Variants in SLC5A10 observed in about 807,000 individuals in gnomAD.
SLC5A10 encodes the protein solute carrier family 5 member 10.
SLC5A10 carries 55 observed loss-of-function variants against 68.9 expected under a neutral mutation model. The observed-to-expected ratio is 0.80, with a 90% CI of 0.64 to 1.00. SLC5A10 has a LOEUF of 1.00. Among genes scored for constraint, SLC5A10 ranks in the 50% least tolerant of loss-of-function variants. The pLI is 0.00. For missense variants in SLC5A10, 732 were observed against 819.3 expected, an observed-to-expected ratio of 0.89 and a Z score of 1.30; for synonymous variants, 344 against 344.8, an observed-to-expected ratio of 1.00 and a Z score of 0.02.
intron 9 of SLC5A10, among the ~76,000 whole-genome samples, chr17:19,001,801 G>A (rs748441377): frequency 5.1e-5 from 7 of 137,466 alleles, no homozygotes; most frequent in Non-Finnish European, 1.2e-4. Context: ...ATCGCTGGGC[G>A]GGGGATCTGT....
chr17:18,990,736 G>A (rs577112543), intron 9 of SLC5A10, among the ~76,000 whole-genome samples: 2 of 152,244 alleles, frequency 1.3e-5, no homozygotes, highest in South Asian at 4.1e-4. Context: ...AGTGCCTAGG[G>A]TGGTCAGAGA....
At chr17:18,997,299 C>T (rs1412924538) in intron 9 of SLC5A10, among the ~76,000 whole-genome samples, 4 of 152,214 alleles carry the variant, frequency 2.6e-5, no homozygotes, top group African/African-American at 9.7e-5. Flanking sequence ...ACTGCAAAGA[C>T]AAGGGGCTGG....
intron 9 of SLC5A10, among the ~76,000 whole-genome samples, chr17:18,998,067 C>A (rs2043613151): frequency 6.6e-6 from 1 of 152,168 alleles, no homozygotes; most frequent in African/African-American, 2.4e-5. Context: ...GCCTGTCTTC[C>A]CACCACCCCA....
At chr17:18,987,891 T>C (rs1173050738) in intron 9 of SLC5A10, among the ~76,000 whole-genome samples, 8 of 152,216 alleles carry the variant, frequency 5.3e-5, no homozygotes. Flanking sequence ...ACGAGCTACC[T>C]GAGGAGGCAG....
chr17:18,985,797 G>C (rs1386986543), intron 9 of SLC5A10, among the ~76,000 whole-genome samples: 1 of 152,228 alleles, frequency 6.6e-6, no homozygotes, highest in East Asian at 1.9e-4. Flanking sequence ...GAGCAGGGCA[G>C]GCGGGGCCAG....
At chr17:18,995,481 G>C (rs543403738) in intron 9 of SLC5A10, among the ~76,000 whole-genome samples, 9 of 152,292 alleles carry the variant, frequency 5.9e-5, no homozygotes, top group African/African-American at 2.2e-4. Context: ...AGCAAACTGT[G>C]GGTCAACTTC....
chr17:18,978,981 G>A, intron 9 of SLC5A10: 3 of 1,014,630 alleles, frequency 3.0e-6, no homozygotes, highest in Non-Finnish European at 2.9e-6. Context: ...AATGGGGGCA[G>A]AGAGCAGGTG....
chr17:18,977,764 T>A (rs773273233), intron 9 of SLC5A10: 3 of 1,604,130 alleles, frequency 1.9e-6, no homozygotes, highest in Non-Finnish European at 2.6e-6. Flanking sequence ...CCACTTGCTC[T>A]GAGTGGCGCC....
intron 9 of SLC5A10, among the ~76,000 whole-genome samples, chr17:18,982,405 G>A (rs772985191): frequency 6.6e-6 from 1 of 152,226 alleles, no homozygotes; most frequent in Non-Finnish European, 1.5e-5. Flanking sequence ...GTGCGCAGAG[G>A]TGGAGGATCC....
In SLC5A10 at chr17:19,004,122, G is replaced by A; in HGVS notation, c.983-9288G>A. 7.3e-7 allele frequency: 1 copy of A among 1,370,118 alleles called. No individual in the cohort carries two copies. Among genetic ancestry groups the A allele is most frequent in the Non-Finnish European group, 9.9e-7 (1 of 1,008,926 alleles). The allele number at this position is 1,370,118 out of a possible 1,614,324, so 84.9% of individuals were successfully genotyped here. A position where few individuals can be genotyped will look rare whatever the true frequency, so the allele number is the denominator to read the frequency against. ...AGCTCCGGCCCAGCTGGGGCACCGC[G>A]CGCTCGGGGGCCTCTCCGCGGCCTC... On this transcript the variant is annotated intron_variant, in intron 9 of 14. Transcript: ENST00000395645. The surrounding 1 kb of genome is among the most constrained non-coding windows in gnomAD (Gnocchi z 5.4).
chr17:19,014,418 A>G (rs567505112), intron 10 of SLC5A10, among the ~76,000 whole-genome samples: 1 of 152,204 alleles, frequency 6.6e-6, no homozygotes, highest in African/African-American at 2.4e-5. Context: ...CTGGAAAACC[A>G]CAGAGCCAAG....
rs1393758835 is a variant in SLC5A10, at chr17:19,000,403, G to T, written c.983-13007G>T. On this transcript the variant is annotated intron_variant, in intron 9 of 14. Coordinates refer to ENST00000395645, the MANE Select transcript of SLC5A10 (RefSeq NM_001042450.4). This position sits in a 1 kb window ranked among gnomAD's most constrained non-coding sequence, Gnocchi z 5.2. Reference sequence around the variant, plus strand: ...GACCGGGGCTTGGAGAGGAGCTGGGGCTTGTTCCAGGTCCCACAGTCAGGC... The same window carrying T: ...GACCGGGGCTTGGAGAGGAGCTGGGTCTTGTTCCAGGTCCCACAGTCAGGC... Among the ~76,000 whole-genome samples, 1 of 152,200 alleles carries T rather than the reference G, an allele frequency of 6.6e-6. No homozygotes were observed. Among genetic ancestry groups the T allele is most frequent in the African/African-American group, 2.4e-5 (1 of 41,452 alleles).
intron 9 of SLC5A10, among the ~76,000 whole-genome samples, chr17:18,985,930 G>A (rs537572054): frequency 6.6e-6 from 1 of 152,364 alleles, no homozygotes; most frequent in Non-Finnish European, 1.5e-5. Context: ...AGAATGTGTG[G>A]TTCTTGCCAG....
At position 19,000,876 on chromosome 17, in the gene SLC5A10, C is replaced by G. The variant is rs551766615; in HGVS notation, c.983-12534C>G. 1.3e-5 allele frequency among the ~76,000 whole-genome samples: 2 copies of G among 152,122 alleles called. No homozygotes were observed. The highest frequency in any genetic ancestry group is 2.9e-5 in the Non-Finnish European group (2 of 68,020). ...CGCCCCGTCAGCATCCGTCAGTGTC[C>G]GGGCCCTGCCCCTGTGAGCCTGGGA... On this transcript the variant is annotated intron_variant, in intron 9 of 14. Transcript: ENST00000395645. This position sits in a 1 kb window ranked among gnomAD's most constrained non-coding sequence, Gnocchi z 5.2.
rs1327764400 is a variant in SLC5A10, at chr17:18,971,607, G to T, written c.846+389G>T. The T allele has an allele frequency of 2.5e-6, 4 of 1,613,576 alleles. No homozygotes were observed. The highest frequency in any genetic ancestry group is 1.7e-6 in the Non-Finnish European group (2 of 1,179,986). ...TGACCTCCCTTGGCCTGCCAGTGGTGGGGGCCAGCCATGGCTGGGCCAGCG... is the reference window on the plus strand; with the variant it reads ...TGACCTCCCTTGGCCTGCCAGTGGTTGGGGCCAGCCATGGCTGGGCCAGCG... On this transcript the variant is annotated intron_variant, in intron 8 of 14. Coordinates refer to ENST00000395645, the MANE Select transcript of SLC5A10 (RefSeq NM_001042450.4). The surrounding 1 kb of genome is among the most constrained non-coding windows in gnomAD (Gnocchi z 5.5).
chr17:18,993,698 G>C (rs79537227), intron 9 of SLC5A10, among the ~76,000 whole-genome samples: 3 of 152,146 alleles, frequency 2.0e-5, no homozygotes, highest in Admixed American at 6.5e-5. Context: ...AAGTGCCGGG[G>C]GTGGACAGAG....
chr17:19,013,581 A>C, intron 10 of SLC5A10, 64 bp downstream of exon 10: 1 of 1,019,740 alleles, frequency 9.8e-7, no homozygotes. Context: ...CCCAATGAGT[A>C]TGGGGACTGT....
At chr17:18,960,196 C>G (rs1055761960) in intron 4 of SLC5A10, among the ~76,000 whole-genome samples, 14 of 152,226 alleles carry the variant, frequency 9.2e-5, no homozygotes, top group African/African-American at 3.1e-4. Flanking sequence ...ACAGCCACCT[C>G]CCTCATCCAG....
intron 9 of SLC5A10, among the ~76,000 whole-genome samples, chr17:18,997,152 G>GCTGCA: frequency 6.6e-6 from 1 of 152,254 alleles, no homozygotes; most frequent in Admixed American, 6.5e-5. Flanking sequence ...AGTGGGTTGG[G>GCTGCA]GTCAAGAAGC....
Sources: gnomAD v4.1 joint callset for allele counts (sites outside exome capture counted in the v4.1 genomes callset) on GRCh38, gnomAD v4.1.1 for gene constraint, Gnocchi (gnomAD v3.1) non-coding constraint, MANE v1.5 for transcripts, NCBI Gene and HGNC (gene_info 2026-07-23, HGNC 2026-07-21) for gene names.